The following DYM variants were observed in gnomAD, a reference collection of about 807,000 sequenced individuals.
DYM encodes dymeclin, also known as dyggve-Melchior-Clausen syndrome protein.
A neutral mutation model predicts 93.1 loss-of-function variants in DYM; 78 were observed. The ratio of observed to expected loss-of-function variants is 0.84; its 90% confidence interval spans 0.70 to 1.01. The LOEUF is 1.01. Ranked by LOEUF, DYM falls within the 50% of genes least tolerant of loss-of-function variation. DYM has a pLI of 0.00. For missense variants in DYM, 789 were observed against 845.0 expected (o/e 0.93, Z 0.82); for synonymous variants, 321 against 319.7 (o/e 1.00, Z -0.04).
At chr18:49,193,796 T>C (rs1407050049) in intron 14 of DYM, among the ~76,000 whole-genome samples, 1 of 152,342 alleles carries the variant, frequency 6.6e-6, no homozygotes. Context: ...AACTTCTCTG[T>C]ATTCTCCTCT....
chr18:49,363,335 T>C lies in DYM; in HGVS notation c.422-102A>G, dbSNP rs1158594165. 7.2e-6 allele frequency: 6 copies of C among 831,516 alleles called. No homozygotes were observed. In the Admixed American group the frequency reaches 7.8e-5, roughly 11 times the overall value. The allele number at this position is 831,516 out of a possible 1,614,324, so 51.5% of individuals were successfully genotyped here. A position where few individuals can be genotyped will look rare whatever the true frequency, so the allele number is the denominator to read the frequency against. On this transcript the variant is annotated intron_variant, in intron 5 of 17. Transcript: ENST00000675505. ...TTCCTAATGAGAATACAAACAGTTA[T>C]CATTATATAAACTCAGATATTAATG...
chr18:49,454,858 A>G (rs1363384415), intron 1 of DYM, among the ~76,000 whole-genome samples: 1 of 146,418 alleles, frequency 6.8e-6, no homozygotes, highest in East Asian at 2.1e-4. Context: ...CAGTGAGCCG[A>G]GATCGCGCCA....
intron 17 of DYM, among the ~76,000 whole-genome samples, chr18:49,075,755 T>A (rs1280096888): frequency 1.5e-4 from 23 of 152,172 alleles, no homozygotes; most frequent in Admixed American, 1.5e-3. Context: ...GTTTAACTTT[T>A]GAGGTGGGGA....
At chr18:49,274,903 G>T (rs184966028) in intron 10 of DYM, among the ~76,000 whole-genome samples, 14 of 152,018 alleles carry the variant, frequency 9.2e-5, no homozygotes. Flanking sequence ...AAAGTGATTT[G>T]CAAATATCTT....
chr18:49,203,295 C>T (rs368581838), intron 14 of DYM, among the ~76,000 whole-genome samples: 143 of 58,314 alleles, frequency 2.5e-3, no homozygotes, highest in Middle Eastern at 0.012. Context: ...TCTGCCCGGC[C>T]GCCCCTACTG....
At chr18:49,382,191 G>C (rs1011583695) in intron 3 of DYM, among the ~76,000 whole-genome samples, 2 of 152,098 alleles carry the variant, frequency 1.3e-5, no homozygotes, top group Non-Finnish European at 2.9e-5. Flanking sequence ...CCGACTACTT[G>C]ATTGATGTAA....
At chr18:49,318,607 C>A (rs2062192026) in intron 8 of DYM, among the ~76,000 whole-genome samples, 1 of 149,042 alleles carries the variant, frequency 6.7e-6, no homozygotes, top group Admixed American at 6.6e-5. Flanking sequence ...GGTGACACAG[C>A]AAGACTCTGT....
Position 49,282,137 on chromosome 18 carries a change from G to A in DYM, c.985C>T (p.Gln329Ter). The A allele has an allele frequency of 6.2e-7, 1 of 1,613,946 alleles. No homozygotes were observed. The highest frequency in any genetic ancestry group is 1.1e-5 in the South Asian group (1 of 91,076). Reference protein sequence around the residue: ...PFPSSIPHAFQINFNSLYTAL... With the variant: ...PFPSSIPHAF The stretch of plus-strand genomic sequence containing the variant: ...GTGTACAAACTATTAAAGTTGATCT[G>A]GAAGGCATGTGGAATTGATGAGGGG... The change falls in exon 10 of 18, where the codon CAG becomes TAG. Residue 329 changes from glutamine to a stop codon, truncating the protein, a stop_gained. Transcript: ENST00000675505. LOFTEE classifies it high-confidence loss of function.
intron 6 of DYM, among the ~76,000 whole-genome samples, chr18:49,335,619 A>G (rs567372564): frequency 2.0e-5 from 3 of 152,314 alleles, no homozygotes; most frequent in African/African-American, 7.2e-5. Context: ...ATTTTGTATC[A>G]CAATAATCAT....
chr18:49,352,270 T>A (rs2065177016), intron 6 of DYM, among the ~76,000 whole-genome samples: 1 of 152,218 alleles, frequency 6.6e-6, no homozygotes, highest in Admixed American at 6.5e-5. Context: ...GCTGAAAATG[T>A]TCCGGTATTA....
chr18:49,055,056 TTC>T (rs1252124074), intron 17 of DYM, among the ~76,000 whole-genome samples: 2 of 152,132 alleles, frequency 1.3e-5, no homozygotes, highest in Non-Finnish European at 2.9e-5. Context: ...GGTTTTCAAT[TTC>T]TCTCTCTTTT....
intron 17 of DYM, among the ~76,000 whole-genome samples, chr18:49,072,369 C>T (rs1489287943): frequency 2.0e-5 from 3 of 151,926 alleles, no homozygotes; most frequent in East Asian, 3.9e-4. Flanking sequence ...GTTTGAAAGA[C>T]GAAAATGCCA....
At chr18:49,354,868 G>A (rs1461777838) in intron 6 of DYM, among the ~76,000 whole-genome samples, 1 of 152,110 alleles carries the variant, frequency 6.6e-6, no homozygotes, top group Non-Finnish European at 1.5e-5. Flanking sequence ...AGACAGTTAA[G>A]CAGTTTCTTA....
At position 49,134,647 on chromosome 18, in the gene DYM, C is replaced by G. The variant is rs189403158; in HGVS notation, c.1729-15721G>C. Among the ~76,000 whole-genome samples the G allele has an allele frequency of 1.8e-3, 280 of 152,234 alleles. 4 individuals carry two copies. Among genetic ancestry groups the G allele is most frequent in the Non-Finnish European group, 5.6e-4 (38 of 68,012 alleles). ...CAATAAAATGAATAGAAAATAACCA[C>G]GATGATTTCACAAACATTAGCTGAG... On this transcript the variant is annotated intron_variant, in intron 15 of 17. Transcript: ENST00000675505.
chr18:49,233,474 G>C (rs553100896), intron 13 of DYM, among the ~76,000 whole-genome samples: 1 of 151,542 alleles, frequency 6.6e-6, no homozygotes, highest in African/African-American at 2.4e-5. Context: ...TAAAATCTTT[G>C]TGTTCAGATG....
At chr18:49,327,489 GGGGTCTGCA>G in intron 8 of DYM, among the ~76,000 whole-genome samples, 1 of 152,000 alleles carries the variant, frequency 6.6e-6, no homozygotes, top group East Asian at 1.9e-4. Context: ...CCTAAGTAGC[GGGGTCTGCA>G]GGCGCGCACC....
At chr18:49,290,457 A>G (rs1049850961) in intron 8 of DYM, among the ~76,000 whole-genome samples, 3 of 152,062 alleles carry the variant, frequency 2.0e-5, no homozygotes, top group African/African-American at 7.2e-5. Flanking sequence ...GAATTCAAGG[A>G]ATTCAAGGAA....
At chr18:49,305,089 T>C (rs1384138875) in intron 8 of DYM, among the ~76,000 whole-genome samples, 1 of 152,164 alleles carries the variant, frequency 6.6e-6, no homozygotes, top group Non-Finnish European at 1.5e-5. Context: ...ACTACTTTTC[T>C]CATTGTCCAT....
At chr18:49,138,952 G>T (rs1284252368) in intron 15 of DYM, among the ~76,000 whole-genome samples, 1 of 152,120 alleles carries the variant, frequency 6.6e-6, no homozygotes, top group Non-Finnish European at 1.5e-5. Context: ...CCTAATTGTG[G>T]AATGCATAAT....
Sources: allele counts gnomAD v4.1 joint callset (sites outside exome capture counted in the v4.1 genomes callset), GRCh38; gene constraint gnomAD v4.1.1; transcripts MANE v1.5; gene names NCBI Gene and HGNC (gene_info 2026-07-23, HGNC 2026-07-21).